Variants in C1orf21 observed in about 807,000 individuals in gnomAD.
The protein encoded by C1orf21 is uncharacterized protein C1orf21.
Under a neutral mutation model 18.7 loss-of-function variants are expected in C1orf21, and 3 were observed. That is an observed-to-expected ratio of 0.16 (90% CI 0.07 to 0.42). The LOEUF (loss-of-function observed/expected upper bound fraction) is 0.42, where lower values mean the gene tolerates loss of function less well. Among genes scored for constraint, C1orf21 ranks in the 10% least tolerant of loss-of-function variants. The pLI, the probability that C1orf21 is intolerant of heterozygous loss-of-function variation, is 0.99. For synonymous variants in C1orf21, 41 were observed against 46.4 expected (o/e 0.88, Z 0.47); for missense variants, 104 against 143.6 (o/e 0.72, Z 1.41).
chr1:184,521,636 C>T (rs548023365), intron 3 of C1orf21, among the ~76,000 whole-genome samples: 6 of 152,210 alleles, frequency 3.9e-5, no homozygotes, highest in Admixed American at 2.0e-4. Context: ...GAGGATTTTT[C>T]TTTTAGGATG....
intron 3 of C1orf21, among the ~76,000 whole-genome samples, chr1:184,540,976 A>G (rs763891426): frequency 1.8e-4 from 27 of 152,238 alleles, no homozygotes; most frequent in South Asian, 6.2e-4. Context: ...CAATTGTTGT[A>G]TGCTTCCTGT....
intron 2 of C1orf21, among the ~76,000 whole-genome samples, chr1:184,480,980 C>T (rs1264792851): frequency 6.6e-6 from 1 of 152,084 alleles, no homozygotes; most frequent in Non-Finnish European, 1.5e-5. Flanking sequence ...TGACTGTTGT[C>T]TCTTGAGGCA....
chr1:184,439,712 A>T (rs1169933118), intron 1 of C1orf21, among the ~76,000 whole-genome samples: 1 of 152,156 alleles, frequency 6.6e-6, no homozygotes, highest in Non-Finnish European at 1.5e-5. Flanking sequence ...GCAATTTGGG[A>T]GGCTGAGGCA....
At chr1:184,483,118 G>A (rs1021153763) in intron 2 of C1orf21, among the ~76,000 whole-genome samples, 1 of 152,190 alleles carries the variant, frequency 6.6e-6, no homozygotes, top group Non-Finnish European at 1.5e-5. Flanking sequence ...CCCTTTCAGA[G>A]GTCAGATCCA....
At chr1:184,408,458 T>G (rs1332798712) in intron 1 of C1orf21, 1 of 152,102 alleles carries the variant, frequency 6.6e-6, no homozygotes, top group Non-Finnish European at 1.5e-5. Flanking sequence ...GCTTGGAGGG[T>G]TTGTGCTTGT....
Sources: gnomAD v4.1 joint callset for allele counts (sites outside exome capture counted in the v4.1 genomes callset) on GRCh38, gnomAD v4.1.1 for gene constraint, MANE v1.5 for transcripts, NCBI Gene and HGNC (gene_info 2026-07-23, HGNC 2026-07-21) for gene names.